The following TM9SF4 variants were observed in gnomAD, a reference collection of about 807,000 sequenced individuals.
TM9SF4 encodes dinucleotide oxidase disulfide thiol exchanger 3 superfamily member 4.
A neutral mutation model predicts 90.4 loss-of-function variants in TM9SF4; 26 were observed. That is an observed-to-expected ratio of 0.29 (90% confidence interval 0.21 to 0.40). The LOEUF (loss-of-function observed/expected upper bound fraction) is 0.40. Ranked by LOEUF, TM9SF4 falls within the 10% of genes least tolerant of loss-of-function variation. The pLI, the probability that TM9SF4 is intolerant of heterozygous loss-of-function variation, is 1.00. For missense variants in TM9SF4, 549 were observed against 834.8 expected, an observed-to-expected ratio of 0.66 and a Z score of 4.22; for synonymous variants, 293 against 315.4, an observed-to-expected ratio of 0.93 and a Z score of 0.75.
At chr20:32,160,240 G>A (rs2046995565) in intron 16 of TM9SF4, 129 bp downstream of exon 16, 2 of 1,374,768 alleles carry the variant, frequency 1.5e-6, no homozygotes. Flanking sequence ...CTGAGCTCTT[G>A]GGCCAGTACG....
intron 5 of TM9SF4, among the ~76,000 whole-genome samples, chr20:32,142,754 G>C (rs1361317148): frequency 6.6e-6 from 1 of 152,204 alleles, no homozygotes; most frequent in East Asian, 1.9e-4. Flanking sequence ...ACACCCAGTT[G>C]TATCAGGGTC....
At chr20:32,122,575 G>A (rs1261109411) in intron 1 of TM9SF4, among the ~76,000 whole-genome samples, 1 of 149,566 alleles carries the variant, frequency 6.7e-6, no homozygotes, top group African/African-American at 2.5e-5. Flanking sequence ...ACGATGGGCG[G>A]CTGGGCAGAG....
At chr20:32,151,553 G>A (rs897254323) in intron 12 of TM9SF4, among the ~76,000 whole-genome samples, 2 of 152,242 alleles carry the variant, frequency 1.3e-5, no homozygotes, top group African/African-American at 4.8e-5. Flanking sequence ...CTCAAGGAGA[G>A]CTCAGGCTGT....
At position 32,157,853 on chromosome 20, in the gene TM9SF4, C is replaced by G; in HGVS notation, c.1389C>G (p.Leu463=). The G allele has an allele frequency of 6.2e-7, 1 of 1,614,142 alleles. No individual in the cohort carries two copies. Among genetic ancestry groups the G allele is most frequent in the South Asian group, 1.1e-5 (1 of 91,084 alleles). ...TGTGGTTCGGGATCTCCCTGCCCCT[C>G]GTCTACTTGGGCTACTACTTCGGCT... ...LCMWFGISLP[L]VYLGYYFGFR... The change falls in exon 14 of 18, where the codon CTC becomes CTG. Residue 463 remains leucine, a synonymous_variant. Coordinates refer to ENST00000398022, the MANE Select transcript of TM9SF4 (RefSeq NM_014742.4).
rs764418445 is a variant in TM9SF4, at chr20:32,141,714, C to T, written c.398+49C>T. On this transcript the variant is annotated intron_variant, in intron 4 of 17. Transcript: ENST00000398022. ...TGCCTCAGGCTCACACAGGGGAGGA[C>T]ACTGACGGGAGAGGCGGTCGAGAGG... is the stretch of plus-strand genomic sequence containing the variant. 4.3e-6 allele frequency: 7 copies of T among 1,613,140 alleles called. No individual in the cohort carries two copies. The South Asian group carries it at 4.4e-5, about 10-fold the overall frequency.
In TM9SF4 at chr20:32,140,450, T is replaced by C. The variant is rs565527893; in HGVS notation, c.230-1047T>C. ...ACACAGAGATAAATAGGAAACAGTC[T>C]TAACAGTAACGAGCTCATAGTCAGG... On this transcript the variant is annotated intron_variant, in intron 3 of 17. Coordinates refer to ENST00000398022, the MANE Select transcript of TM9SF4 (RefSeq NM_014742.4). 4.0e-4 allele frequency among the ~76,000 whole-genome samples: 61 copies of C among 152,330 alleles called. 1 individual carries two copies. The South Asian group carries it at 0.012, about 30-fold the overall frequency.
chr20:32,127,615 G>T (rs1402269301), intron 1 of TM9SF4, among the ~76,000 whole-genome samples: 3 of 152,140 alleles, frequency 2.0e-5, no homozygotes. Context: ...TCCTGTTCGG[G>T]CATTCTTGTT....
chr20:32,134,580 A>G (rs2046568219), intron 2 of TM9SF4, among the ~76,000 whole-genome samples: 1 of 152,160 alleles, frequency 6.6e-6, no homozygotes, highest in Admixed American at 6.5e-5. Flanking sequence ...TCTCTGCACA[A>G]ATAGTTATCG....
At chr20:32,122,330 G>T (rs577146941) in intron 1 of TM9SF4, among the ~76,000 whole-genome samples, 1 of 150,120 alleles carries the variant, frequency 6.7e-6, no homozygotes, top group Non-Finnish European at 1.5e-5. Flanking sequence ...CCTCCCGGAC[G>T]GGGTGGCTGC....
rs765377650 is a variant in TM9SF4 at position 32,165,458 on chromosome 20, C to T, written c.*14C>T. 32 of 1,613,352 alleles carry T rather than the reference C, an allele frequency of 2.0e-5. No individual in the cohort carries two copies. Among genetic ancestry groups the T allele is most frequent in the East Asian group, 1.6e-4 (7 of 44,856 alleles). On this transcript the variant is annotated 3_prime_UTR_variant, in exon 18 of 18. Transcript: ENST00000398022. ...AAGATAGACTGATTGGAGTGGACCA[C>T]GGCCAAGCTTGCTCCGTCCTCGGAC... is the stretch of plus-strand genomic sequence containing the variant.
In TM9SF4 at chr20:32,112,568, C is replaced by G. The variant is rs191194764; in HGVS notation, c.15+2813C>G. ...AATTAGCAGGGTGTGGTGGCACACA[C>G]CTGTAATCCCAGCTACTCGGGAGGC... On this transcript the variant is annotated intron_variant, in intron 1 of 17. Coordinates refer to ENST00000398022, the MANE Select transcript of TM9SF4 (RefSeq NM_014742.4). Among the ~76,000 whole-genome samples the G allele has an allele frequency of 2.5e-3, 381 of 152,120 alleles. 3 individuals are homozygous for G. Among genetic ancestry groups the G allele is most frequent in the African/African-American group, 8.8e-3 (366 of 41,482 alleles).
At chr20:32,113,503 C>T (rs764986045) in intron 1 of TM9SF4, among the ~76,000 whole-genome samples, 12 of 152,118 alleles carry the variant, frequency 7.9e-5, no homozygotes, top group African/African-American at 2.4e-4. Context: ...TTATGGAAAA[C>T]GGTTCTTGGG....
intron 6 of TM9SF4, among the ~76,000 whole-genome samples, chr20:32,143,431 G>A (rs73906754): frequency 0.012 from 1,891 of 152,308 alleles, 44 homozygotes; most frequent in African/African-American, 0.043. Context: ...GGGCTTTGTT[G>A]GGCCTCCTCA....
chr20:32,158,481 C>T lies in TM9SF4; in HGVS notation c.1536C>T (p.Gly512=), dbSNP rs78926209. The part of the protein sequence containing the change: ...GILMAGILPF[G]AMFIELFFIF... ...TCATGGCTGGGATCTTGCCCTTCGG[C>T]GCCATGTTCATCGAGCTCTTCTTCA... The change falls in exon 15 of 18, where the codon GGC becomes GGT. Residue 512 remains glycine (G), a synonymous_variant. Coordinates refer to ENST00000398022, the MANE Select transcript of TM9SF4 (RefSeq NM_014742.4). 5,717 of 1,614,132 alleles carry T rather than the reference C, an allele frequency of 3.5e-3. 10 individuals carry two copies. Among genetic ancestry groups the T allele is most frequent in the Non-Finnish European group, 4.3e-3 (5,127 of 1,180,008 alleles).
intron 12 of TM9SF4, among the ~76,000 whole-genome samples, chr20:32,153,318 G>A (rs1409961671): frequency 1.8e-4 from 27 of 152,234 alleles, no homozygotes; most frequent in Admixed American, 1.8e-3. Flanking sequence ...GTTGTTGGGT[G>A]CAGGGCTGTG....
chr20:32,157,945 G>A lies in TM9SF4; in HGVS notation c.1481G>A (p.Arg494Gln), dbSNP rs777445057. The A allele has an allele frequency of 2.5e-6, 4 of 1,613,980 alleles. No individual in the cohort carries two copies. The highest frequency in any genetic ancestry group is 1.1e-5 in the South Asian group (1 of 91,084). Reference protein sequence around the residue: ...NQIPRQIPEQRWYMNRFVGIL... With the variant: ...NQIPRQIPEQQWYMNRFVGIL... ...ATTCCCCGGCAGATCCCCGAGCAGC[G>A]GTGGTACATGAACCGATTTGTGGGG... Residue 494 changes from arginine (R) to glutamine (Q), a missense_variant, in exon 14 of 18, where the codon CGG becomes CAG. By Grantham distance (43) the Arg-to-Gln change is conservative. Transcript: ENST00000398022.
rs1323954733 is a variant in TM9SF4 at position 32,112,618 on chromosome 20, C to A, written c.15+2863C>A. 2.0e-5 allele frequency among the ~76,000 whole-genome samples: 3 copies of A among 148,894 alleles called. No homozygotes were observed. The Admixed American group carries it at 2.0e-4, about 10-fold the overall frequency. ...CTGAGGCACAAGAATCGCTTGAACCCGGGAGGCGGAGGCTACAGTGAGCCA... is the reference window on the plus strand; with the variant it reads ...CTGAGGCACAAGAATCGCTTGAACCAGGGAGGCGGAGGCTACAGTGAGCCA... On this transcript the variant is annotated intron_variant, in intron 1 of 17. Coordinates refer to ENST00000398022, the MANE Select transcript of TM9SF4 (RefSeq NM_014742.4).
At chr20:32,144,007 G>A (rs1286902264) in intron 6 of TM9SF4, among the ~76,000 whole-genome samples, 3 of 151,820 alleles carry the variant, frequency 2.0e-5, no homozygotes, top group African/African-American at 4.8e-5. Flanking sequence ...GTGCAGTGGC[G>A]CGATCTCCGC....
At chr20:32,120,401 T>G (rs939031421) in intron 1 of TM9SF4, among the ~76,000 whole-genome samples, 3 of 151,208 alleles carry the variant, frequency 2.0e-5, no homozygotes, top group South Asian at 2.1e-4. Flanking sequence ...GTGCGTTTTT[T>G]TTTTTTTTTT....
Sources: gnomAD v4.1 joint callset for allele counts (sites outside exome capture counted in the v4.1 genomes callset) on GRCh38, gnomAD v4.1.1 for gene constraint, MANE v1.5 for transcripts, NCBI Gene and HGNC (gene_info 2026-07-23, HGNC 2026-07-21) for gene names.